TRHDE: variants seen among roughly 807,000 people sequenced by gnomAD.
The protein encoded by TRHDE is thyrotropin-releasing hormone-degrading ectoenzyme.
In TRHDE, 72 loss-of-function variants were observed where a neutral mutation model predicts 125.7. That is an observed-to-expected ratio of 0.57 (90% CI 0.47 to 0.70). TRHDE has a LOEUF of 0.70. TRHDE is among the 30% of genes least tolerant of loss of function. The pLI, the probability that TRHDE is intolerant of heterozygous loss-of-function variation, is 0.00. For synonymous variants in TRHDE, 509 were observed against 509.1 expected, an observed-to-expected ratio of 1.00 and a Z score of 0.00; for missense variants, 1,110 against 1,327.1, an observed-to-expected ratio of 0.84 and a Z score of 2.54.
intron 9 of TRHDE, among the ~76,000 whole-genome samples, chr12:72,566,677 C>T (rs1201393935): frequency 6.6e-6 from 1 of 151,762 alleles, no homozygotes; most frequent in Non-Finnish European, 1.5e-5. Context: ...ACAAAAAAGA[C>T]ACATTTGTCC....
At chr12:72,536,420 A>AAGAGGCGTCAGGTTGATAGTTTCAGACTT (rs1868861160) in intron 6 of TRHDE, among the ~76,000 whole-genome samples, 2 of 152,126 alleles carry the variant, frequency 1.3e-5, no homozygotes, top group Admixed American at 1.3e-4. Context: ...AGAGGAAAGG[A>AAGAGGCGTCAGGTTGATAGTTTCAGACTT]AGAGGCGTCA....
Position 72,103,091 on chromosome 12 carries a change from A to G in TRHDE, n.175-2557A>G, listed in dbSNP as rs540943533. ...TTCTTCCCAAAAGCACACCCTGTGC[A>G]TGAAATTCCATCTCAGAGTCAGCGT... On this transcript the variant is annotated intron_variant and non_coding_transcript_variant, in intron 1 of 4. Coordinates refer to the TRHDE transcript ENST00000548156. Among the ~76,000 whole-genome samples, 5 of 152,366 alleles carry G rather than the reference A, an allele frequency of 3.3e-5. No individual in the cohort carries two copies. The South Asian group carries it at 1.0e-3, about 32-fold the overall frequency.
In TRHDE at chr12:72,315,966, C is replaced by A. The variant is rs181031327; in HGVS notation, c.1188+29012C>A. 3.3e-5 allele frequency among the ~76,000 whole-genome samples: 5 copies of A among 152,230 alleles called. No individual in the cohort carries two copies. The East Asian group carries it at 7.7e-4, about 24-fold the overall frequency. On this transcript the variant is annotated intron_variant, in intron 2 of 18. Coordinates refer to ENST00000261180, the MANE Select transcript of TRHDE (RefSeq NM_013381.3). ...TGGGGGAGAAAAACACAACTAAATT[C>A]CATTTCAAACAGAAATGTGTTGTGC...
chr12:72,306,814 G>A (rs1226188129), intron 2 of TRHDE: 1 of 152,062 alleles, frequency 6.6e-6, no homozygotes, highest in Non-Finnish European at 1.5e-5. Context: ...GAAAAGTGAA[G>A]TGGGGTAAAG....
At chr12:72,191,188 G>A (rs1455827364) in intron 2 of TRHDE, among the ~76,000 whole-genome samples, 1 of 152,166 alleles carries the variant, frequency 6.6e-6, no homozygotes, top group Admixed American at 6.5e-5. Context: ...AGAATTCTTA[G>A]TGGGCTCTAT....
chr12:72,275,582 A>G (rs1168819668), intron 1 of TRHDE, among the ~76,000 whole-genome samples: 3 of 152,224 alleles, frequency 2.0e-5, no homozygotes, highest in Non-Finnish European at 4.4e-5. Context: ...CAAAATGTCA[A>G]TAGTGGGAGT....
chr12:72,436,866 A>G (rs1372749448), intron 3 of TRHDE, among the ~76,000 whole-genome samples: 1 of 151,934 alleles, frequency 6.6e-6, no homozygotes, highest in Admixed American at 6.6e-5. Context: ...TGAGCTTCAT[A>G]GATCCTAGAA....
At chr12:72,497,796 T>C (rs985542814) in intron 5 of TRHDE, among the ~76,000 whole-genome samples, 36 of 152,192 alleles carry the variant, frequency 2.4e-4, no homozygotes, top group Admixed American at 1.9e-3. Flanking sequence ...GCTATTTTTC[T>C]GAGATCTTAG....
chr12:72,263,658 A>T (rs1377208987), intron 2 of TRHDE: 1 of 152,108 alleles, frequency 6.6e-6, no homozygotes, highest in African/African-American at 2.4e-5. Flanking sequence ...TTGCTTTTAG[A>T]CACAAAGCAC....
At chr12:72,603,658 G>C (rs1872301670) in intron 12 of TRHDE, among the ~76,000 whole-genome samples, 2 of 152,084 alleles carry the variant, frequency 1.3e-5, no homozygotes, top group Non-Finnish European at 2.9e-5. Flanking sequence ...CGGGGAGGCG[G>C]AGCTTGCAGT....
At chr12:72,317,579 A>G (rs1868863742) in intron 2 of TRHDE, among the ~76,000 whole-genome samples, 1 of 152,132 alleles carries the variant, frequency 6.6e-6, no homozygotes, top group African/African-American at 2.4e-5. Context: ...CCCTTTTGTA[A>G]AGACACTAAT....
intron 7 of TRHDE, among the ~76,000 whole-genome samples, chr12:72,548,498 G>A (rs1869528875): frequency 6.6e-6 from 1 of 151,524 alleles, no homozygotes; most frequent in African/African-American, 2.4e-5. Context: ...CTTTAACCTT[G>A]TTTTTATAAT....
Position 72,556,306 on chromosome 12 carries a change from C to T in TRHDE, c.1789-5859C>T, listed in dbSNP as rs547010898. Among the ~76,000 whole-genome samples the T allele has an allele frequency of 2.2e-3, 335 of 152,312 alleles. 2 individuals are homozygous for T. Among genetic ancestry groups the T allele is most frequent in the African/African-American group, 7.5e-3 (313 of 41,578 alleles). ...CAACAGAAACAAATTCTGGTTAAAT[C>T]AGGCAGAAAGGAAATTATCTGAAGG... On this transcript the variant is annotated intron_variant, in intron 7 of 18. Transcript: ENST00000261180.
At chr12:72,153,870 C>T (rs1376051572) in intron 2 of TRHDE, among the ~76,000 whole-genome samples, 10 of 152,160 alleles carry the variant, frequency 6.6e-5, no homozygotes, top group Non-Finnish European at 8.8e-5. Flanking sequence ...AATGTATATT[C>T]TGTTGATTTG....
At chr12:72,167,822 T>C (rs939866377) in intron 2 of TRHDE, among the ~76,000 whole-genome samples, 5 of 152,238 alleles carry the variant, frequency 3.3e-5, no homozygotes, top group Non-Finnish European at 1.5e-5. Context: ...GTCCTACTTA[T>C]AGCATTTTGT....
At chr12:72,640,062 C>T (rs1408679826) in intron 15 of TRHDE, among the ~76,000 whole-genome samples, 1 of 152,184 alleles carries the variant, frequency 6.6e-6, no homozygotes, top group Non-Finnish European at 1.5e-5. Context: ...GCTTTGTTTA[C>T]CTAAGCAAGC....
intron 2 of TRHDE, among the ~76,000 whole-genome samples, chr12:72,179,424 T>C (rs1225092852): frequency 6.6e-6 from 1 of 152,154 alleles, no homozygotes; most frequent in African/African-American, 2.4e-5. Flanking sequence ...TCTTATAGAA[T>C]GTATCTGTCG....
intron 2 of TRHDE, among the ~76,000 whole-genome samples, chr12:72,351,043 A>C (rs1439878110): frequency 6.6e-6 from 1 of 151,990 alleles, no homozygotes; most frequent in Non-Finnish European, 1.5e-5. Context: ...TGTCATACAC[A>C]CCTTGTTCAA....
chr12:72,333,529 T>C (rs1869697700), intron 2 of TRHDE, among the ~76,000 whole-genome samples: 1 of 152,200 alleles, frequency 6.6e-6, no homozygotes, highest in Non-Finnish European at 1.5e-5. Flanking sequence ...CTACTGAAGA[T>C]TTCTTGTTCT....
Sources: allele counts gnomAD v4.1 joint callset (sites outside exome capture counted in the v4.1 genomes callset), GRCh38; gene constraint gnomAD v4.1.1; transcripts MANE v1.5; gene names NCBI Gene and HGNC (gene_info 2026-07-23, HGNC 2026-07-21).